The following NAV2 variants were observed in gnomAD, a reference collection of about 807,000 sequenced individuals.
The protein encoded by NAV2 is neuron navigator 2.
Under a neutral mutation model 223.2 loss-of-function variants are expected in NAV2, and 54 were observed. The ratio of observed to expected loss-of-function variants is 0.24; its 90% CI spans 0.19 to 0.30. NAV2 has a LOEUF of 0.30. NAV2 is among the 10% of genes least tolerant of loss of function. NAV2 has a pLI of 1.00. For missense variants in NAV2, 2,806 were observed against 3,147.5 expected (o/e 0.89, Z 2.60); for synonymous variants, 1,279 against 1,239.3 (o/e 1.03, Z -0.67).
intron 6 of NAV2, among the ~76,000 whole-genome samples, chr11:19,921,152 T>C (rs1565562538): frequency 6.6e-6 from 1 of 152,238 alleles, no homozygotes; most frequent in Non-Finnish European, 1.5e-5. Context: ...GTCACATCCG[T>C]GAAGCCCTGA....
At chr11:19,521,787 C>T (rs766962061) in intron 1 of NAV2, among the ~76,000 whole-genome samples, 10 of 152,170 alleles carry the variant, frequency 6.6e-5, no homozygotes, top group African/African-American at 1.7e-4. Flanking sequence ...AACGTGCCAA[C>T]GGTCGCTCCA....
intron 1 of NAV2, among the ~76,000 whole-genome samples, chr11:19,538,893 A>T (rs962727742): frequency 1.4e-5 from 2 of 143,726 alleles, no homozygotes; most frequent in Non-Finnish European, 1.5e-5. Context: ...ATGACATTTT[A>T]TATATATATA....
At chr11:19,666,633 C>T (rs2048417851) in intron 1 of NAV2, among the ~76,000 whole-genome samples, 1 of 152,180 alleles carries the variant, frequency 6.6e-6, no homozygotes, top group East Asian at 1.9e-4. Context: ...TGAGATGATG[C>T]CCTTTCTCTG....
chr11:19,851,259 C>A (rs2152976410), intron 3 of NAV2, among the ~76,000 whole-genome samples: 1 of 152,226 alleles, frequency 6.6e-6, no homozygotes, highest in East Asian at 1.9e-4. Context: ...AGAGTCTACT[C>A]CCTTAACTGT....
At chr11:19,727,062 C>G (rs1046818656) in intron 1 of NAV2, among the ~76,000 whole-genome samples, 2 of 152,200 alleles carry the variant, frequency 1.3e-5, no homozygotes, top group Non-Finnish European at 2.9e-5. Context: ...TCTTACATCT[C>G]TCATGTTGCT....
At chr11:19,426,096 G>A (rs1850815386) in intron 1 of NAV2, among the ~76,000 whole-genome samples, 1 of 152,210 alleles carries the variant, frequency 6.6e-6, no homozygotes, top group South Asian at 2.1e-4. Context: ...GTGATTCTGA[G>A]TTGTGGTGAA....
At chr11:19,642,464 A>G (rs771153166) in intron 1 of NAV2, among the ~76,000 whole-genome samples, 4 of 152,186 alleles carry the variant, frequency 2.6e-5, no homozygotes, top group Non-Finnish European at 5.9e-5. Flanking sequence ...AGATGACCTC[A>G]GGAGTTCCTC....
At chr11:19,534,146 T>C (rs2044116455) in intron 1 of NAV2, among the ~76,000 whole-genome samples, 1 of 152,240 alleles carries the variant, frequency 6.6e-6, no homozygotes, top group Admixed American at 6.5e-5. Context: ...ACCTTGCTTA[T>C]CATTCCAGTT....
chr11:20,035,143 G>T (rs1200377447), intron 11 of NAV2, among the ~76,000 whole-genome samples: 1 of 152,070 alleles, frequency 6.6e-6, no homozygotes, highest in Non-Finnish European at 1.5e-5. Context: ...ACAGAGACCA[G>T]CTGGCCTTTT....
At chr11:19,388,985 G>C (rs1458192383) in intron 1 of NAV2, among the ~76,000 whole-genome samples, 1 of 152,190 alleles carries the variant, frequency 6.6e-6, no homozygotes, top group African/African-American at 2.4e-5. Flanking sequence ...TCCCTACTCA[G>C]TCTTCAATAG....
At chr11:19,726,489 A>G (rs1281585231) in intron 1 of NAV2, among the ~76,000 whole-genome samples, 1 of 152,126 alleles carries the variant, frequency 6.6e-6, no homozygotes, top group Admixed American at 6.5e-5. Flanking sequence ...CCAGATACCA[A>G]CAGCACTCAC....
At chr11:19,592,807 C>G (rs1565082281) in intron 1 of NAV2, among the ~76,000 whole-genome samples, 1 of 152,106 alleles carries the variant, frequency 6.6e-6, no homozygotes, top group Non-Finnish European at 1.5e-5. Context: ...AGGCACTGCT[C>G]TAAGCTTTTT....
At chr11:19,614,772 G>C (rs972767482) in intron 1 of NAV2, among the ~76,000 whole-genome samples, 3 of 152,166 alleles carry the variant, frequency 2.0e-5, no homozygotes, top group African/African-American at 7.2e-5. Flanking sequence ...CAGGGCCTCT[G>C]TCAGGAATTT....
intron 15 of NAV2, 141 bp from the exon 16 acceptor site, chr11:20,049,695 G>T: frequency 1.3e-6 from 1 of 770,260 alleles, no homozygotes; most frequent in East Asian, 2.5e-5. Context: ...CTCTGCAGCA[G>T]GGATAAATGT....
intron 36 of NAV2, among the ~76,000 whole-genome samples, chr11:20,113,002 C>T (rs558472982): frequency 3.9e-5 from 6 of 152,342 alleles, no homozygotes; most frequent in South Asian, 2.1e-4. Context: ...ACACTGCAGC[C>T]GTGGTGGCCC....
intron 6 of NAV2, among the ~76,000 whole-genome samples, chr11:19,906,040 G>A (rs1356237792): frequency 6.6e-6 from 1 of 152,068 alleles, no homozygotes; most frequent in African/African-American, 2.4e-5. Flanking sequence ...AAGGCTGATG[G>A]GACGGTCTTG....
intron 6 of NAV2, among the ~76,000 whole-genome samples, chr11:19,932,472 C>A (rs897591002): frequency 5.3e-5 from 8 of 152,096 alleles, no homozygotes; most frequent in Non-Finnish European, 8.8e-5. Context: ...GCATGTGCCA[C>A]CACACCCAGC....
chr11:19,467,023 AG>A, intron 1 of NAV2, among the ~76,000 whole-genome samples: 2 of 124,642 alleles, frequency 1.6e-5, no homozygotes, highest in South Asian at 4.8e-4. Context: ...ACACACAGAG[AG>A]AGAGAGAGAG....
chr11:19,417,520 T>C (rs1309072490), intron 1 of NAV2, among the ~76,000 whole-genome samples: 8 of 152,320 alleles, frequency 5.3e-5, no homozygotes, highest in South Asian at 4.1e-4. Flanking sequence ...GTTCAATCAT[T>C]ATGGAAGGCA....
Sources: gnomAD v4.1 joint callset for allele counts (sites outside exome capture counted in the v4.1 genomes callset) on GRCh38, gnomAD v4.1.1 for gene constraint, MANE v1.5 for transcripts, NCBI Gene and HGNC (gene_info 2026-07-23, HGNC 2026-07-21) for gene names.